The following ZNF473 variants were observed in gnomAD, a reference collection of about 807,000 sequenced individuals.
ZNF473 encodes zinc finger protein 473, also known as zinc finger protein 100 homolog.
A neutral mutation model predicts 11.1 loss-of-function variants in ZNF473; 4 were observed. The ratio of observed to expected loss-of-function variants is 0.36; its 90% CI spans 0.18 to 0.82. The LOEUF is 0.82. Ranked by LOEUF, ZNF473 falls within the 40% of genes least tolerant of loss-of-function variation. The pLI, the probability that ZNF473 is intolerant of heterozygous loss-of-function variation, is 0.49. For missense variants in ZNF473, 854 were observed against 1,084.0 expected (o/e 0.79, Z 2.98); for synonymous variants, 404 against 390.4 (o/e 1.03, Z -0.41).
rs770531783 is a variant in ZNF473, at chr19:50,045,630, T to G, written c.1187T>G (p.Leu396Arg). 6.8e-6 allele frequency: 11 copies of G among 1,613,982 alleles called. No individual in the cohort carries two copies. Among genetic ancestry groups the G allele is most frequent in the South Asian group, 4.4e-5 (4 of 91,080 alleles). Residue 396 changes from leucine (L) to arginine (R), a missense_variant, in exon 5 of 5, where the codon CTT (leucine) becomes CGT (arginine). By Grantham distance (102) the Leu-to-Arg change is moderately radical (BLOSUM62 -2). Coordinates refer to ENST00000270617, the MANE Select transcript of ZNF473 (RefSeq NM_015428.4). ...TCGCTGCTCATTGAACACCAGGCTC[T>G]TCATGCTGGAGAGGAGCCTTATAAG... ...HSSLLIEHQA[L>R]HAGEEPYKCN...
At position 50,039,185 on chromosome 19, in the gene ZNF473, G is replaced by A. The variant is rs767326860; in HGVS notation, c.34G>A (p.Gly12Ser). 1.2e-6 allele frequency: 2 copies of A among 1,614,090 alleles called. No homozygotes were observed. The highest frequency in any genetic ancestry group is 1.1e-5 in the South Asian group (1 of 91,080). The change falls in exon 3 of 5, where the codon GGC (glycine) becomes AGC (serine). Residue 12 changes from glycine (G) to serine (S), a missense_variant. This residue lies in a region of ZNF473 where 668 missense variants were observed against 790.2 expected (regional missense o/e 0.85). Coordinates refer to ENST00000270617, the MANE Select transcript of ZNF473 (RefSeq NM_015428.4). This position sits in a 1 kb window ranked among gnomAD's most constrained non-coding sequence, Gnocchi z 4.8. ...AEEFVTLKDV[G>S]MDFTLGDWEQ... ...GGAATTTGTGACCCTCAAGGATGTCGGCATGGACTTCACCTTGGGAGACTG... is the reference window on the plus strand; with the variant it reads ...GGAATTTGTGACCCTCAAGGATGTCAGCATGGACTTCACCTTGGGAGACTG...
chr19:50,033,190 G>A lies in ZNF473; in HGVS notation c.9+2099G>A, dbSNP rs868346168. On this transcript the variant is annotated intron_variant, in intron 2 of 4. Transcript: ENST00000270617. ...GAAAGGGATAGGGAGGCCCAGGGTA[G>A]ATTTGCTGTTTTATACAGAGGGGTG... is the stretch of plus-strand genomic sequence containing the variant. Among the ~76,000 whole-genome samples the A allele has an allele frequency of 7.2e-5, 11 of 152,316 alleles. No homozygotes were observed. In the South Asian group the frequency reaches 2.3e-3, roughly 32 times the overall value.
Position 50,045,203 on chromosome 19 carries a change from G to A in ZNF473, c.760G>A (p.Val254Met), listed in dbSNP as rs762682912. ...TTTTGACCGGAATGCTTCCCTTTCT[G>A]TGTATCCGAAAACTCACACGGGCTA... Reference protein sequence around the residue: ...QGFDRNASLSVYPKTHTGYKF... With the variant: ...QGFDRNASLSMYPKTHTGYKF... Residue 254 changes from valine (V) to methionine (M), a missense_variant, in exon 5 of 5, where the codon GTG (valine) becomes ATG (methionine). Val to Met is a conservative substitution (Grantham distance 21). This residue lies in a region of ZNF473 where 668 missense variants were observed against 790.2 expected (regional missense o/e 0.85). Transcript: ENST00000270617. 8 of 1,614,036 alleles carry A rather than the reference G, an allele frequency of 5.0e-6. No individual in the cohort carries two copies. The highest frequency in any genetic ancestry group is 6.8e-6 in the Non-Finnish European group (8 of 1,180,044).
At chr19:50,031,962 C>G (rs1767272121) in intron 2 of ZNF473, among the ~76,000 whole-genome samples, 1 of 151,962 alleles carries the variant, frequency 6.6e-6, no homozygotes, top group Non-Finnish European at 1.5e-5. Flanking sequence ...CGATACCTCC[C>G]TTTGCCACAG....
chr19:50,045,171 A>G lies in ZNF473; in HGVS notation c.728A>G (p.Glu243Gly), dbSNP rs776827925. The G allele has an allele frequency of 1.4e-5, 23 of 1,614,108 alleles. No individual in the cohort carries two copies. The East Asian group carries it at 5.1e-4, about 36-fold the overall frequency. Residue 243 changes from glutamate (E) to glycine (G), a missense_variant, in exon 5 of 5, where the codon GAG (glutamate) becomes GGG (glycine). Glu to Gly is a moderately conservative substitution (Grantham distance 98). Around this residue, in one of 2 missense-constraint regions of ZNF473, gnomAD observed 668 missense variants for 790.2 expected, o/e 0.85. Transcript: ENST00000270617. Reference sequence around the variant, plus strand: ...AAACCCACTGTCCATCAAGAGTGTGAGCAAGGTTTTGACCGGAATGCTTCC... The same window carrying G: ...AAACCCACTGTCCATCAAGAGTGTGGGCAAGGTTTTGACCGGAATGCTTCC... ...REKPTVHQEC[E>G]QGFDRNASLS...
intron 1 of ZNF473, among the ~76,000 whole-genome samples, chr19:50,027,836 C>T (rs1293773051): frequency 6.6e-6 from 1 of 152,090 alleles, no homozygotes; most frequent in African/African-American, 2.4e-5. Context: ...TACAGGCGTG[C>T]ACCACCATGC....
chr19:50,040,679 C>G (rs1307315760), intron 3 of ZNF473: 1 of 152,302 alleles, frequency 6.6e-6, no homozygotes, highest in African/African-American at 2.4e-5. Flanking sequence ...TCAGTGTCAC[C>G]TGATTAACTC....
At chr19:50,029,098 T>A (rs1337791881) in intron 1 of ZNF473, among the ~76,000 whole-genome samples, 1 of 152,234 alleles carries the variant, frequency 6.6e-6, no homozygotes, top group African/African-American at 2.4e-5. Context: ...TGTTCAATTA[T>A]GAAATGCAGC....
At chr19:50,028,281 G>A (rs2077298092) in intron 1 of ZNF473, among the ~76,000 whole-genome samples, 2 of 140,654 alleles carry the variant, frequency 1.4e-5, no homozygotes, top group South Asian at 4.5e-4. Flanking sequence ...CTGGGCGACA[G>A]AACGAGACTC....
At position 50,046,805 on chromosome 19, in the gene ZNF473, TGTG is replaced by T. The variant is rs773253879; in HGVS notation, c.2366_2368del (p.Gly789del). The T allele has an allele frequency of 2.6e-5, 42 of 1,614,096 alleles. No individual in the cohort carries two copies. Among genetic ancestry groups the T allele is most frequent in the Non-Finnish European group, 3.3e-5 (39 of 1,180,044 alleles). On this transcript the variant is annotated inframe_deletion, in exon 5 of 5. Coordinates refer to ENST00000270617, the MANE Select transcript of ZNF473 (RefSeq NM_015428.4). The surrounding 1 kb of genome is among the most constrained non-coding windows in gnomAD (Gnocchi z 5.9). ...TCACACTGGGGAGAAGCCCTACAGA[TGTG>T]GTGAATGTGGGAAAGCCTTTGCCCA... is the stretch of plus-strand genomic sequence containing the variant.
chr19:50,040,154 T>G (rs1978691488), intron 3 of ZNF473, among the ~76,000 whole-genome samples: 1 of 152,158 alleles, frequency 6.6e-6, no homozygotes, highest in South Asian at 2.1e-4. Context: ...TGGCTATGAC[T>G]TACTACAGTG....
chr19:50,047,235 C>T lies in ZNF473; in HGVS notation c.*176C>T, dbSNP rs920752977. On this transcript the variant is annotated 3_prime_UTR_variant, in exon 5 of 5. Transcript: ENST00000270617. ...ACACAAAAGTGGAGAAGCTGTACAA[C>T]GTCAGGATTCAGAGGTAGGCTCTGG... 1.7e-5 allele frequency: 11 copies of T among 628,862 alleles called. No individual in the cohort carries two copies. Among genetic ancestry groups the T allele is most frequent in the East Asian group, 1.1e-4 (4 of 34,828 alleles). The allele number at this position is 628,862 out of a possible 1,614,324, so 39.0% of individuals were successfully genotyped here.
Position 50,041,619 on chromosome 19 carries a change from C to A in ZNF473, c.137-111C>A, listed in dbSNP as rs1206906957. ...GCAGCACCTCGTCCACACACAGGAG[C>A]CACGTGCAGGATAAAGCATAGAAAA... On this transcript the variant is annotated intron_variant, in intron 3 of 4. Transcript: ENST00000270617. 6 of 893,444 alleles carry A rather than the reference C, an allele frequency of 6.7e-6. No individual in the cohort carries two copies. In the East Asian group the frequency reaches 1.4e-4, roughly 21 times the overall value. The allele number at this position is 893,444 out of a possible 1,614,324, so 55.3% of individuals were successfully genotyped here.
chr19:50,030,924 C>T lies in ZNF473; in HGVS notation c.-159C>T, dbSNP rs1377266620. The T allele has an allele frequency of 9.7e-7, 1 of 1,030,614 alleles. No individual in the cohort carries two copies. The highest frequency in any genetic ancestry group is 1.5e-6 in the Non-Finnish European group (1 of 683,772). 63.8% of individuals were successfully genotyped at this position (1,030,614 alleles called of 1,614,324 possible). On this transcript the variant is annotated 5_prime_UTR_variant, in exon 2 of 5. Coordinates refer to ENST00000270617, the MANE Select transcript of ZNF473 (RefSeq NM_015428.4). ...CACATTGGGACTTGTCCTCCTCCTC[C>T]TGGACATTTTGGGGGCTCGTCAGCA...
chr19:50,042,983 T>C (rs926560100), intron 4 of ZNF473, among the ~76,000 whole-genome samples: 63 of 152,210 alleles, frequency 4.1e-4, no homozygotes, highest in East Asian at 3.9e-4. Flanking sequence ...TTAAGCAGTC[T>C]CATAGATACT....
At chr19:50,028,190 C>G (rs2077297490) in intron 1 of ZNF473, among the ~76,000 whole-genome samples, 1 of 150,584 alleles carries the variant, frequency 6.6e-6, no homozygotes, top group East Asian at 2.0e-4. Flanking sequence ...CCCAGCTACT[C>G]AGGAGGCTGA....
At chr19:50,044,407 G>A (rs1978948440) in intron 4 of ZNF473, among the ~76,000 whole-genome samples, 1 of 152,126 alleles carries the variant, frequency 6.6e-6, no homozygotes, top group South Asian at 2.1e-4. Context: ...GAGTCCAGGC[G>A]ATTTTTTAGG....
At chr19:50,037,711 A>G (rs1978530595) in intron 2 of ZNF473, among the ~76,000 whole-genome samples, 1 of 151,510 alleles carries the variant, frequency 6.6e-6, no homozygotes, top group Non-Finnish European at 1.5e-5. Flanking sequence ...AGTCCTAGCT[A>G]CTTGGAAGCT....
Position 50,044,780 on chromosome 19 carries a change from G to A in ZNF473, c.337G>A (p.Gly113Arg), listed in dbSNP as rs777718925. ...GGATGGCTTCTGGAACTCCAATTTC[G>A]GAGAAGCCTGTATAGAGGACACCTG... is the stretch of plus-strand genomic sequence containing the variant. ...SKDGFWNSNF[G>R]EACIEDTWLD... The change falls in exon 5 of 5, where the codon GGA becomes AGA. Residue 113 changes from glycine (G) to arginine (R), a missense_variant. By Grantham distance (125) the Gly-to-Arg change is moderately radical (BLOSUM62 -2). This residue lies in a region of ZNF473 where 668 missense variants were observed against 790.2 expected (regional missense o/e 0.85). Transcript: ENST00000270617. The A allele has an allele frequency of 1.1e-5, 18 of 1,614,060 alleles. No individual in the cohort carries two copies. The highest frequency in any genetic ancestry group is 5.0e-5 in the Admixed American group (3 of 60,002).
Sources: gnomAD v4.1 joint callset for allele counts (sites outside exome capture counted in the v4.1 genomes callset) on GRCh38, gnomAD v4.1.1 for gene constraint, gnomAD v4.1.1 regional missense constraint, Gnocchi (gnomAD v3.1) non-coding constraint, MANE v1.5 for transcripts, NCBI Gene and HGNC (gene_info 2026-07-23, HGNC 2026-07-21) for gene names.